Variants in NAT8L observed in about 807,000 individuals in gnomAD.
The protein encoded by NAT8L is aspartate N-acetyltransferase.
NAT8L carries 6 observed loss-of-function variants against 21.2 expected under a neutral mutation model. The observed-to-expected ratio is 0.28, with a 90% CI of 0.16 to 0.56. The LOEUF (loss-of-function observed/expected upper bound fraction) is 0.56. NAT8L is among the 20% of genes least tolerant of loss of function. NAT8L has a pLI of 0.93. For synonymous variants in NAT8L, 239 were observed against 204.9 expected (o/e 1.17, Z -1.42); for missense variants, 331 against 433.3 (o/e 0.76, Z 2.10).
chr4:2,062,010 CA>C (rs1301161501), intron 2 of NAT8L, among the ~76,000 whole-genome samples: 5 of 152,186 alleles, frequency 3.3e-5, no homozygotes, highest in Admixed American at 6.5e-5. Flanking sequence ...TTCCTAAACC[CA>C]AACAGAGCAT....
chr4:2,066,610 A>G lies in NAT8L; in HGVS notation c.*2483A>G, dbSNP rs414210. 1 of 152,142 alleles carries G rather than the reference A, an allele frequency of 6.6e-6. No individual in the cohort carries two copies. Among genetic ancestry groups the G allele is most frequent in the Non-Finnish European group, 1.5e-5 (1 of 68,056 alleles). The allele number at this position is 152,142 out of a possible 1,614,324, so 9.4% of individuals were successfully genotyped here. ...AGCCTGGGATCTCACTGCTCTGCAC[A>G]TGTGCACTGACGTGAATTTTATACG... On this transcript the variant is annotated 3_prime_UTR_variant, in exon 3 of 3. Coordinates refer to ENST00000423729, the MANE Select transcript of NAT8L (RefSeq NM_178557.4).
In NAT8L at chr4:2,060,065, C is replaced by A. The variant is rs1322701385; in HGVS notation, c.376+178C>A. On this transcript the variant is annotated intron_variant, in intron 1 of 2. Transcript: ENST00000423729. The surrounding 1 kb of genome is among the most constrained non-coding windows in gnomAD (Gnocchi z 4.7). ...TATGGGCGTGGGGATGGGCGCAGGG[C>A]CCCGAGCGGGCCGGAGCCGGGGAGG... Among the ~76,000 whole-genome samples the A allele has an allele frequency of 2.6e-5, 4 of 151,764 alleles. No individual in the cohort carries two copies. The highest frequency in any genetic ancestry group is 7.2e-5 in the African/African-American group (3 of 41,386).
rs892906399 is a variant in NAT8L at position 2,059,397 on chromosome 4, T to TGCCGCC, written c.-97_-92dup. 93 of 237,292 alleles carry TGCCGCC rather than the reference T, an allele frequency of 3.9e-4. No individual in the cohort carries two copies. Among genetic ancestry groups the TGCCGCC allele is most frequent in the African/African-American group, 1.8e-3 (70 of 39,452 alleles). 14.7% of individuals were successfully genotyped at this position (237,292 alleles called of 1,614,324 possible). ...GAGCTGCCGCCGCCGCCGCCGCCGC[T>TGCCGCC]GCCGCCGCCGCCGCCGCCGCCGCGG... On this transcript the variant is annotated 5_prime_UTR_variant, in exon 1 of 3. Coordinates refer to ENST00000423729, the MANE Select transcript of NAT8L (RefSeq NM_178557.4). This position sits in a 1 kb window ranked among gnomAD's most constrained non-coding sequence, Gnocchi z 4.8.
At position 2,061,018 on chromosome 4, in the gene NAT8L, C is replaced by G. The variant is rs1362726306; in HGVS notation, c.397C>G (p.Arg133Gly). 1 of 1,559,080 alleles carries G rather than the reference C, an allele frequency of 6.4e-7. No homozygotes were observed. Among genetic ancestry groups the G allele is most frequent in the Non-Finnish European group, 8.7e-7 (1 of 1,151,488 alleles). ...LLAALCFAVS[R>G]SLLLTCLVPA... ...CCCAGCGCTGTGCTTCGCCGTGAGC[C>G]GCTCGCTGCTGCTGACGTGCCTGGT... The change falls in exon 2 of 3, where the codon CGC (arginine) becomes GGC (glycine). Residue 133 changes from arginine (R) to glycine (G), a missense_variant. Physicochemically the swap from Arg to Gly is moderately radical, Grantham distance 125. Around this residue, in one of 2 missense-constraint regions of NAT8L, gnomAD observed 199 missense variants for 196.1 expected, o/e 1.01. Transcript: ENST00000423729.
At position 2,059,676 on chromosome 4, in the gene NAT8L, C is replaced by A; in HGVS notation, c.165C>A (p.Pro55=). The change falls in exon 1 of 3, where the codon CCC becomes CCA. Residue 55 remains proline, a synonymous_variant. Coordinates refer to ENST00000423729, the MANE Select transcript of NAT8L (RefSeq NM_178557.4). This position sits in a 1 kb window ranked among gnomAD's most constrained non-coding sequence, Gnocchi z 4.8. ...APGPAAAPPA[P]PPAPVAQPHG... ...GGCCGGCCGCCGCGCCCCCCGCGCC[C>A]CCACCTGCCCCGGTGGCTCAGCCTC... 2.0e-6 allele frequency: 2 copies of A among 1,004,068 alleles called. No homozygotes were observed. The highest frequency in any genetic ancestry group is 2.4e-6 in the Non-Finnish European group (2 of 842,534). The allele number at this position is 1,004,068 out of a possible 1,614,324, so 62.2% of individuals were successfully genotyped here. A position where few individuals can be genotyped will look rare whatever the true frequency, so the allele number is the denominator to read the frequency against.
chr4:2,065,633 G>C lies in NAT8L; in HGVS notation c.*1506G>C, dbSNP rs1729983281. On this transcript the variant is annotated 3_prime_UTR_variant, in exon 3 of 3. Coordinates refer to ENST00000423729, the MANE Select transcript of NAT8L (RefSeq NM_178557.4). ...GTCCCAGGCATCAAGGCCACGTGCA[G>C]GGCCATGGAGGGATGCTTCTCACGA... 6.6e-6 allele frequency: 1 copy of C among 152,324 alleles called. No homozygotes were observed. Among genetic ancestry groups the C allele is most frequent in the African/African-American group, 2.4e-5 (1 of 41,438 alleles). The allele number at this position is 152,324 out of a possible 1,614,324, so 9.4% of individuals were successfully genotyped here.
chr4:2,061,918 G>A (rs1250722942), intron 2 of NAT8L, among the ~76,000 whole-genome samples: 1 of 152,170 alleles, frequency 6.6e-6, no homozygotes, highest in Non-Finnish European at 1.5e-5. Context: ...CAGTGTCAGG[G>A]GAGGGGCAGT....
At position 2,066,528 on chromosome 4, in the gene NAT8L, G is replaced by A. The variant is rs1020580016; in HGVS notation, c.*2401G>A. On this transcript the variant is annotated 3_prime_UTR_variant, in exon 3 of 3. Coordinates refer to ENST00000423729, the MANE Select transcript of NAT8L (RefSeq NM_178557.4). Reference sequence around the variant, plus strand: ...CTGGGGGGTAGGTGTGTCCTCCCCCGGGGCTGGAGGCCGGGTGCCTGGTGG... The same window carrying A: ...CTGGGGGGTAGGTGTGTCCTCCCCCAGGGCTGGAGGCCGGGTGCCTGGTGG... 2 of 152,232 alleles carry A rather than the reference G, an allele frequency of 1.3e-5. No individual in the cohort carries two copies. Among genetic ancestry groups the A allele is most frequent in the South Asian group, 2.1e-4 (1 of 4,838 alleles). The allele number at this position is 152,232 out of a possible 1,614,324, so 9.4% of individuals were successfully genotyped here.
chr4:2,060,607 G>T lies in NAT8L; in HGVS notation c.377-391G>T, dbSNP rs1729834519. The stretch of plus-strand genomic sequence containing the variant: ...GGGTCCTGGAGCCCGAGGCTGGAAC[G>T]TGGGACACCCCCCTTCCTCCTCCCC... On this transcript the variant is annotated intron_variant, in intron 1 of 2. Coordinates refer to ENST00000423729, the MANE Select transcript of NAT8L (RefSeq NM_178557.4). The surrounding 1 kb of genome is among the most constrained non-coding windows in gnomAD (Gnocchi z 4.7). Among the ~76,000 whole-genome samples the T allele has an allele frequency of 6.6e-6, 1 of 152,056 alleles. No homozygotes were observed. Among genetic ancestry groups the T allele is most frequent in the South Asian group, 2.1e-4 (1 of 4,834 alleles).
Position 2,068,357 on chromosome 4 carries a change from G to C in NAT8L, c.*4230G>C, listed in dbSNP as rs995307170. 3.3e-5 allele frequency: 5 copies of C among 152,352 alleles called. No homozygotes were observed. The highest frequency in any genetic ancestry group is 9.6e-5 in the African/African-American group (4 of 41,534). The allele number at this position is 152,352 out of a possible 1,614,324, so 9.4% of individuals were successfully genotyped here. A position where few individuals can be genotyped will look rare whatever the true frequency, so the allele number is the denominator to read the frequency against. On this transcript the variant is annotated 3_prime_UTR_variant, in exon 3 of 3. Transcript: ENST00000423729. Reference sequence around the variant, plus strand: ...TGCGTGTACATGTGTTTGTGTCTTGGGTATGCATAAGCATGCACGTGTGTA... The same window carrying C: ...TGCGTGTACATGTGTTTGTGTCTTGCGTATGCATAAGCATGCACGTGTGTA...
In NAT8L at chr4:2,062,315, C is replaced by T. The variant is rs552324819; in HGVS notation, c.541+1153C>T. Among the ~76,000 whole-genome samples the T allele has an allele frequency of 3.3e-5, 5 of 152,248 alleles. No homozygotes were observed. The South Asian group carries it at 6.2e-4, about 19-fold the overall frequency. ...GAGGAGTGAGGTGTGCCCAGGGCCACATGGTGCTGGGGGTTGCTACTTCTG... is the reference window on the plus strand; with the variant it reads ...GAGGAGTGAGGTGTGCCCAGGGCCATATGGTGCTGGGGGTTGCTACTTCTG... On this transcript the variant is annotated intron_variant, in intron 2 of 2. Transcript: ENST00000423729.
In NAT8L at chr4:2,060,933, C is replaced by T. The variant is rs557532426; in HGVS notation, c.377-65C>T. 8 of 908,776 alleles carry T rather than the reference C, an allele frequency of 8.8e-6. No homozygotes were observed. The highest frequency in any genetic ancestry group is 6.8e-5 in the Admixed American group (2 of 29,462). The allele number at this position is 908,776 out of a possible 1,614,324, so 56.3% of individuals were successfully genotyped here. A position where few individuals can be genotyped will look rare whatever the true frequency, so the allele number is the denominator to read the frequency against. On this transcript the variant is annotated intron_variant, in intron 1 of 2. Transcript: ENST00000423729. This position sits in a 1 kb window ranked among gnomAD's most constrained non-coding sequence, Gnocchi z 4.7. ...GCGCGGCGTCCCTAGCGGGCTTCGC[C>T]GGGGTGGCGTCTCTGGGGCCTGGGG... is the stretch of plus-strand genomic sequence containing the variant.
In NAT8L at chr4:2,059,736, G is replaced by A. The variant is rs866410584; in HGVS notation, c.225G>A (p.Gly75=). The change falls in exon 1 of 3, where the codon GGG becomes GGA. Residue 75 remains glycine, a synonymous_variant. Coordinates refer to ENST00000423729, the MANE Select transcript of NAT8L (RefSeq NM_178557.4). This position sits in a 1 kb window ranked among gnomAD's most constrained non-coding sequence, Gnocchi z 4.8. ...CGGGGGGCGCGGGGCCGCCGGGGGG[G>A]CGCGGCGTGTGCATCCGCGAGTTCC... The part of the protein sequence containing the change: ...GGAGGAGPPG[G]RGVCIREFRA... The A allele has an allele frequency of 1.1e-5, 13 of 1,202,098 alleles. No individual in the cohort carries two copies. In the South Asian group the frequency reaches 3.2e-4, roughly 30 times the overall value. The allele number at this position is 1,202,098 out of a possible 1,614,324, so 74.5% of individuals were successfully genotyped here.
At position 2,065,441 on chromosome 4, in the gene NAT8L, G is replaced by C. The variant is rs1577669074; in HGVS notation, c.*1314G>C. The stretch of plus-strand genomic sequence containing the variant: ...GGCTGCCCTGGACGGGGGGCGGGGG[G>C]GGTGGCCTGGAAGGGGAGACAGAGG... On this transcript the variant is annotated 3_prime_UTR_variant, in exon 3 of 3. Coordinates refer to ENST00000423729, the MANE Select transcript of NAT8L (RefSeq NM_178557.4). 1.3e-5 allele frequency: 2 copies of C among 152,518 alleles called. No homozygotes were observed. Among genetic ancestry groups the C allele is most frequent in the East Asian group, 3.8e-4 (2 of 5,196 alleles). The allele number at this position is 152,518 out of a possible 1,614,324, so 9.4% of individuals were successfully genotyped here. A position where few individuals can be genotyped will look rare whatever the true frequency, so the allele number is the denominator to read the frequency against.
chr4:2,063,816 C>A lies in NAT8L; in HGVS notation c.598C>A (p.Arg200=). Residue 200 remains arginine, a synonymous_variant, in exon 3 of 3, where the codon CGG becomes AGG. Coordinates refer to ENST00000423729, the MANE Select transcript of NAT8L (RefSeq NM_178557.4). ...DGNVVGIVAA[R]AHEEDNTVEL... ...CAACGTGGTGGGCATTGTGGCTGCA[C>A]GGGCCCACGAGGAGGACAACACGGT... 1 of 1,612,264 alleles carries A rather than the reference C, an allele frequency of 6.2e-7. No homozygotes were observed. The highest frequency in any genetic ancestry group is 1.7e-4 in the Middle Eastern group (1 of 6,052).
In NAT8L at chr4:2,063,776, G is replaced by A; in HGVS notation, c.558G>A (p.Val186=). 2 of 1,611,816 alleles carry A rather than the reference G, an allele frequency of 1.2e-6. No individual in the cohort carries two copies. Among genetic ancestry groups the A allele is most frequent in the Non-Finnish European group, 1.7e-6 (2 of 1,179,916 alleles). ...YMKPPGSCFW[V]AVLDGNVVGI... ...CCCCTGCAGGCTCCTGCTTCTGGGT[G>A]GCCGTGCTGGATGGCAACGTGGTGG... The change falls in exon 3 of 3, where the codon GTG becomes GTA. Residue 186 remains valine (V), a synonymous_variant. Coordinates refer to ENST00000423729, the MANE Select transcript of NAT8L (RefSeq NM_178557.4).
chr4:2,063,273 G>A (rs1338434201), intron 2 of NAT8L, among the ~76,000 whole-genome samples: 1 of 152,260 alleles, frequency 6.6e-6, no homozygotes, highest in Non-Finnish European at 1.5e-5. Flanking sequence ...GGGTGACCCT[G>A]GGTGGCCAGA....
At position 2,060,256 on chromosome 4, in the gene NAT8L, C is replaced by T. The variant is rs943648479; in HGVS notation, c.376+369C>T. Among the ~76,000 whole-genome samples the T allele has an allele frequency of 6.6e-6, 1 of 152,104 alleles. No individual in the cohort carries two copies. Among genetic ancestry groups the T allele is most frequent in the African/African-American group, 2.4e-5 (1 of 41,450 alleles). Reference sequence around the variant, plus strand: ...TATAATCTGCGGGCGGGGGAGGCCGCCTCCCGCTCGGTGCTAATTTATGAG... The same window carrying T: ...TATAATCTGCGGGCGGGGGAGGCCGTCTCCCGCTCGGTGCTAATTTATGAG... On this transcript the variant is annotated intron_variant, in intron 1 of 2. Coordinates refer to ENST00000423729, the MANE Select transcript of NAT8L (RefSeq NM_178557.4). This position sits in a 1 kb window ranked among gnomAD's most constrained non-coding sequence, Gnocchi z 4.7.
rs1161475816 is a variant in NAT8L at position 2,059,345 on chromosome 4, C to T, written c.-167C>T. On this transcript the variant is annotated 5_prime_UTR_variant, in exon 1 of 3. Coordinates refer to ENST00000423729, the MANE Select transcript of NAT8L (RefSeq NM_178557.4). This position sits in a 1 kb window ranked among gnomAD's most constrained non-coding sequence, Gnocchi z 4.8. ...CGCAGCTCCCTGCGCGCGCCCCGGC[C>T]GCCCGCCGCCTCCGCCCCGCGCCCC... 6.9e-6 allele frequency among the ~76,000 whole-genome samples: 1 copy of T among 145,332 alleles called. No homozygotes were observed. The highest frequency in any genetic ancestry group is 1.5e-5 in the Non-Finnish European group (1 of 65,560).
Sources: gnomAD v4.1 joint callset for allele counts (sites outside exome capture counted in the v4.1 genomes callset) on GRCh38, gnomAD v4.1.1 for gene constraint, gnomAD v4.1.1 regional missense constraint, Gnocchi (gnomAD v3.1) non-coding constraint, MANE v1.5 for transcripts, NCBI Gene and HGNC (gene_info 2026-07-23, HGNC 2026-07-21) for gene names.